HIP1R: variants seen among roughly 807,000 people sequenced by gnomAD.
The protein encoded by HIP1R is huntingtin interacting protein 1 related, also known as huntingtin-interacting protein 1-related protein.
HIP1R carries 135 observed loss-of-function variants against 144.2 expected under a neutral mutation model. The observed-to-expected ratio is 0.94, with a 90% CI of 0.81 to 1.08. The LOEUF (loss-of-function observed/expected upper bound fraction) is 1.08, where lower values mean the gene tolerates loss of function less well. Ranked by LOEUF, HIP1R falls within the 50% of genes least tolerant of loss-of-function variation. HIP1R has a pLI of 0.00. For synonymous variants in HIP1R, 698 were observed against 612.8 expected, an observed-to-expected ratio of 1.14 and a Z score of -2.05; for missense variants, 1,462 against 1,432.8, an observed-to-expected ratio of 1.02 and a Z score of -0.33.
Position 122,861,202 on chromosome 12 carries a change from C to T in HIP1R, c.2952+10C>T. 1.3e-6 allele frequency: 2 copies of T among 1,508,116 alleles called. No individual in the cohort carries two copies. Among genetic ancestry groups the T allele is most frequent in the Non-Finnish European group, 1.8e-6 (2 of 1,126,164 alleles). The allele number at this position is 1,508,116 out of a possible 1,614,324, so 93.4% of individuals were successfully genotyped here. A position where few individuals can be genotyped will look rare whatever the true frequency, so the allele number is the denominator to read the frequency against. On this transcript the variant is annotated intron_variant, in intron 30 of 31. Coordinates refer to ENST00000253083, the MANE Select transcript of HIP1R (RefSeq NM_003959.3). ...GGAGATGGAGACCCAGGTAGGCGCC[C>T]ATGGCTGCCCCGTGACCTCTGAGCT... is the stretch of plus-strand genomic sequence containing the variant.
chr12:122,859,937 G>A, intron 24 of HIP1R, 107 bp downstream of exon 24: 1 of 1,463,478 alleles, frequency 6.8e-7, no homozygotes, highest in Non-Finnish European at 9.3e-7. Flanking sequence ...GCCTGGCTCA[G>A]AGCAGACACT....
At chr12:122,857,347 C>A in intron 18 of HIP1R, 132 bp downstream of exon 18, 1 of 864,258 alleles carries the variant, frequency 1.2e-6, no homozygotes, top group Non-Finnish European at 1.9e-6. Context: ...CTTTTGTGTC[C>A]GGCTTCTTCA....
In HIP1R at chr12:122,848,820, C is replaced by T. The variant is rs771064907; in HGVS notation, c.325C>T (p.Arg109Cys). Residue 109 changes from arginine to cysteine, a missense_variant, in exon 4 of 32, where the codon CGC becomes TGC. This residue lies in a region of HIP1R where 350 missense variants were observed against 421.1 expected (regional missense o/e 0.83). Coordinates refer to ENST00000253083, the MANE Select transcript of HIP1R (RefSeq NM_003959.3). ...GGTGCTGCATGACTGCCAGCGGTAC[C>T]GCAGCAACATCCGGGAGATTGGAGA... ...PNVLHDCQRY[R>C]SNIREIGDLW... 2.8e-5 allele frequency: 45 copies of T among 1,613,172 alleles called. No individual in the cohort carries two copies. The highest frequency in any genetic ancestry group is 3.3e-4 in the Middle Eastern group (2 of 6,084).
chr12:122,859,464 G>A lies in HIP1R; in HGVS notation c.2334G>A (p.Glu778=). Residue 778 remains glutamate (E), a synonymous_variant, in exon 23 of 32, where the codon GAG becomes GAA. Transcript: ENST00000253083. The stretch of plus-strand genomic sequence containing the variant: ...AGAGCCTAGATGTGCGGCAGGAGGA[G>A]CTGGGGGCCGTGGTCGACAAGGAGA... The part of the protein sequence containing the change: ...KPKSLDVRQE[E]LGAVVDKEMA... 1.9e-6 allele frequency: 3 copies of A among 1,613,554 alleles called. No individual in the cohort carries two copies. Among genetic ancestry groups the A allele is most frequent in the Non-Finnish European group, 1.7e-6 (2 of 1,180,004 alleles).
intron 2 of HIP1R, 74 bp downstream of exon 2, chr12:122,848,168 CG>C: frequency 6.7e-7 from 1 of 1,493,008 alleles, no homozygotes; most frequent in Non-Finnish European, 9.3e-7. Context: ...AGGTGGCCTG[CG>C]GTCAGCTGTG....
rs1373450880 is a variant in HIP1R, at chr12:122,859,480, G to A, written c.2350G>A (p.Asp784Asn). ...GCAGGAGGAGCTGGGGGCCGTGGTC[G>A]ACAAGGAGATGGCGGCCACATCCGC... ...VRQEELGAVV[D>N]KEMAATSAAI... Residue 784 changes from aspartate (D) to asparagine (N), a missense_variant, in exon 23 of 32, where the codon GAC becomes AAC. By Grantham distance (23) the Asp-to-Asn change is conservative (BLOSUM62 1). Transcript: ENST00000253083. 2.7e-5 allele frequency: 44 copies of A among 1,613,378 alleles called. No homozygotes were observed. Among genetic ancestry groups the A allele is most frequent in the Non-Finnish European group, 3.6e-5 (43 of 1,179,988 alleles).
At chr12:122,835,870 G>GCGCTCCC (rs2032875945) in intron 1 of HIP1R, among the ~76,000 whole-genome samples, 1 of 150,272 alleles carries the variant, frequency 6.7e-6, no homozygotes, top group Admixed American at 6.6e-5. Context: ...ACCGGAAGCC[G>GCGCTCCC]CGCTCCCCGC....
upstream of HIP1R, chr12:122,834,917 A>C (rs370652215): frequency 1.5e-3 from 1,990 of 1,284,486 alleles, 39 homozygotes; most frequent in South Asian, 0.023. Context: ...AAAGGAAAAA[A>C]AGCGTCTATC....
chr12:122,856,597 G>A (rs1302870302), intron 16 of HIP1R, 28 bp from the exon 17 acceptor site: 3 of 1,599,324 alleles, frequency 1.9e-6, no homozygotes, highest in African/African-American at 1.3e-5. Context: ...CCAGCCCACT[G>A]CCCCAGTGAC....
chr12:122,850,947 CT>C (rs1157746708), intron 6 of HIP1R, 36 bp downstream of exon 6: 1 of 1,567,792 alleles, frequency 6.4e-7, no homozygotes. Flanking sequence ...GCCAGTTCCC[CT>C]CGGCTTCCCC....
intron 12 of HIP1R, 22 bp from the exon 13 acceptor site, chr12:122,855,809 A>G: frequency 6.5e-7 from 1 of 1,548,066 alleles, no homozygotes; most frequent in Non-Finnish European, 8.7e-7. Flanking sequence ...CTTAACTTGA[A>G]CCCCAGGACC....
Position 122,858,219 on chromosome 12 carries a change from C to G in HIP1R, c.1933C>G (p.Pro645Ala), listed in dbSNP as rs2033654267. The G allele has an allele frequency of 1.2e-6, 2 of 1,605,760 alleles. No homozygotes were observed. Among genetic ancestry groups the G allele is most frequent in the Admixed American group, 3.4e-5 (2 of 59,548 alleles). Residue 645 changes from proline (P) to alanine (A), a missense_variant, in exon 19 of 32, where the codon CCC becomes GCC. Physicochemically the swap from Pro to Ala is conservative, Grantham distance 27 (BLOSUM62 -1). Coordinates refer to ENST00000253083, the MANE Select transcript of HIP1R (RefSeq NM_003959.3). ...GGATGCCGTGAGCAAGCTGGACGAC[C>G]CCCTGCACCTGCGCTGTACCAGCTC... ...LQDAVSKLDDPLHLRCTSSPD... is the reference protein window; with the variant it reads ...LQDAVSKLDDALHLRCTSSPD...
Position 122,861,136 on chromosome 12 carries a change from A to G in HIP1R, c.2896A>G (p.Met966Val), listed in dbSNP as rs765309371. 2 of 1,613,314 alleles carry G rather than the reference A, an allele frequency of 1.2e-6. No individual in the cohort carries two copies. The highest frequency in any genetic ancestry group is 2.2e-5 in the East Asian group (1 of 44,818). Residue 966 changes from methionine to valine, a missense_variant, in exon 30 of 32, where the codon ATG becomes GTG. Met to Val is a conservative substitution (Grantham distance 21). Transcript: ENST00000253083. ...GQEQIEDRDT[M>V]DFSGLSLIKL... The stretch of plus-strand genomic sequence containing the variant: ...CCCTTGTCCTCCGGCCACAGACACC[A>G]TGGATTTCTCCGGCCTGTCCCTCAT...
intron 10 of HIP1R, 24 bp downstream of exon 10, chr12:122,855,152 A>G (rs377744238): frequency 6.5e-5 from 104 of 1,609,844 alleles, no homozygotes; most frequent in Non-Finnish European, 8.0e-5. Flanking sequence ...GAGGGCCCCG[A>G]GGCCCTTTGA....
chr12:122,850,936 A>G (rs2271048), intron 6 of HIP1R, 25 bp downstream of exon 6: 1,513,219 of 1,598,932 alleles, frequency 0.95, 716,705 homozygotes, highest in East Asian at 0.98. Flanking sequence ...ATGGCTACAT[A>G]GCCAGTTCCC....
At chr12:122,849,791 T>C in intron 4 of HIP1R, 84 bp from the exon 5 acceptor site, 1 of 878,616 alleles carries the variant, frequency 1.1e-6, no homozygotes, top group Non-Finnish European at 1.9e-6. Flanking sequence ...TGCCCGGTGG[T>C]GGGTCACTCT....
chr12:122,839,616 G>A (rs1215634390), intron 1 of HIP1R, among the ~76,000 whole-genome samples: 1 of 152,188 alleles, frequency 6.6e-6, no homozygotes, highest in Non-Finnish European at 1.5e-5. Flanking sequence ...GAGCAGTGTT[G>A]TCCAGGAGGA....
In HIP1R at chr12:122,856,681, C is replaced by T. The variant is rs201049616; in HGVS notation, c.1575C>T (p.Ala525=). 111 of 1,600,128 alleles carry T rather than the reference C, an allele frequency of 6.9e-5. 2 individuals are homozygous for T. The Middle Eastern group carries it at 7.4e-4, about 11-fold the overall frequency. Residue 525 remains alanine (A), a synonymous_variant, in exon 17 of 32, where the codon GCC becomes GCT. Coordinates refer to ENST00000253083, the MANE Select transcript of HIP1R (RefSeq NM_003959.3). ...EKLKRELEAK[A]GELARAQEAL... ...TCAAGAGGGAGCTGGAGGCCAAGGCCGGAGAGCTGGCCCGCGCGCAGGAGG... is the reference window on the plus strand; with the variant it reads ...TCAAGAGGGAGCTGGAGGCCAAGGCTGGAGAGCTGGCCCGCGCGCAGGAGG...
At chr12:122,851,517 G>A (rs1420811557) in intron 7 of HIP1R, among the ~76,000 whole-genome samples, 1 of 152,010 alleles carries the variant, frequency 6.6e-6, no homozygotes, top group Admixed American at 6.6e-5. Context: ...GGCCAACATG[G>A]TGAAACCCTG....
Sources: allele counts gnomAD v4.1 joint callset (sites outside exome capture counted in the v4.1 genomes callset), GRCh38; gene constraint gnomAD v4.1.1; regional missense constraint gnomAD v4.1.1; transcripts MANE v1.5; gene names NCBI Gene and HGNC (gene_info 2026-07-23, HGNC 2026-07-21).